CDK12: variants seen among roughly 807,000 people sequenced by gnomAD.
CDK12 encodes the protein cyclin dependent kinase 12.
Under a neutral mutation model 133.8 loss-of-function variants are expected in CDK12, and 17 were observed. That is an observed-to-expected ratio of 0.13 (90% CI 0.09 to 0.19). CDK12 has a LOEUF of 0.19. CDK12 is among the 10% of genes least tolerant of loss of function. The pLI, the probability that CDK12 is intolerant of heterozygous loss-of-function variation, is 1.00. For synonymous variants in CDK12, 694 were observed against 683.6 expected, an observed-to-expected ratio of 1.02 and a Z score of -0.24; for missense variants, 1,508 against 1,818.7, an observed-to-expected ratio of 0.83 and a Z score of 3.11.
intron 2 of CDK12, among the ~76,000 whole-genome samples, chr17:39,485,607 G>T (rs1219800254): frequency 6.6e-6 from 1 of 151,584 alleles, no homozygotes. Context: ...TAGAGACAGG[G>T]TTTCACAATG....
chr17:39,468,532 T>G (rs930583155), intron 1 of CDK12, among the ~76,000 whole-genome samples: 2 of 151,838 alleles, frequency 1.3e-5, no homozygotes, highest in African/African-American at 4.8e-5. Context: ...CTGGAGTGCA[T>G]TGGCACAATC....
rs150494253 is a variant in CDK12, at chr17:39,491,939, C to T, written c.2109-812C>T. ...GTCAAGAGATCGAGACCATCTTGAC[C>T]AACATGGTGAAACCACATCTCTACT... On this transcript the variant is annotated intron_variant, in intron 3 of 13. Coordinates refer to ENST00000447079, the MANE Select transcript of CDK12 (RefSeq NM_016507.4). 3.0e-3 allele frequency among the ~76,000 whole-genome samples: 447 copies of T among 148,074 alleles called. 2 individuals carry two copies. Among genetic ancestry groups the T allele is most frequent in the African/African-American group, 0.01 (415 of 40,314 alleles).
At chr17:39,544,746 T>C (rs1276744682), upstream of CDK12, among the ~76,000 whole-genome samples, 1 of 151,680 alleles carries the variant, frequency 6.6e-6, no homozygotes, top group African/African-American at 2.4e-5. Flanking sequence ...TTCTCCTGCC[T>C]TAGCCTCCTG....
intron 6 of CDK12, 124 bp from the exon 7 acceptor site, chr17:39,509,579 CAA>C: frequency 1.5e-6 from 1 of 671,206 alleles, no homozygotes; most frequent in South Asian, 1.8e-5. Context: ...AAGAGTAGAA[CAA>C]AGAGAGCAGA....
At chr17:39,544,340 C>G, upstream of CDK12, 1 of 489,242 alleles carries the variant, frequency 2.0e-6, no homozygotes, top group Non-Finnish European at 4.0e-6. Flanking sequence ...GTCTCTTTCA[C>G]AGAACCTAAA....
chr17:39,545,274 C>G (rs2055628340), upstream of CDK12, among the ~76,000 whole-genome samples: 1 of 152,100 alleles, frequency 6.6e-6, no homozygotes. Context: ...TATCATAGCT[C>G]ACTGCAGCCT....
chr17:39,493,035 C>T, intron 4 of CDK12, 145 bp downstream of exon 4: 1 of 700,098 alleles, frequency 1.4e-6, no homozygotes, highest in Admixed American at 3.0e-5. Flanking sequence ...TCTTGCTCCC[C>T]AGGCTGGAGT....
At chr17:39,469,636 C>CTTT (rs1232951407) in intron 1 of CDK12, among the ~76,000 whole-genome samples, 4 of 132,790 alleles carry the variant, frequency 3.0e-5, no homozygotes, top group Admixed American at 7.8e-5. Context: ...AGTATGACTT[C>CTTT]TTTTTTTTTT....
intron 2 of CDK12, among the ~76,000 whole-genome samples, chr17:39,480,036 G>T (rs1167119570): frequency 6.7e-6 from 1 of 150,078 alleles, no homozygotes; most frequent in Non-Finnish European, 1.5e-5. Context: ...CGATTTTCCT[G>T]CCTCAGCTGC....
intron 6 of CDK12, among the ~76,000 whole-genome samples, chr17:39,502,254 G>C (rs1163225991): frequency 6.6e-6 from 1 of 152,084 alleles, no homozygotes; most frequent in Non-Finnish European, 1.5e-5. Context: ...CCAGGTTCGT[G>C]CCATTCTCCT....
intron 2 of CDK12, among the ~76,000 whole-genome samples, chr17:39,489,709 G>T (rs1403302589): frequency 7.0e-6 from 1 of 142,516 alleles, no homozygotes; most frequent in Non-Finnish European, 1.5e-5. Flanking sequence ...GGCCAGGCTG[G>T]TCTCGAACTT....
chr17:39,563,459 T>G (rs184451939), intron 3 of CDK12, among the ~76,000 whole-genome samples: 1 of 21,402 alleles, frequency 4.7e-5, no homozygotes, highest in Non-Finnish European at 1.2e-4. Flanking sequence ...TTCTCTTGCT[T>G]CCCGCCCCCC....
chr17:39,518,824 G>A (rs1255138980), intron 10 of CDK12, among the ~76,000 whole-genome samples: 2 of 152,066 alleles, frequency 1.3e-5, no homozygotes, highest in East Asian at 3.9e-4. Context: ...CTCCCAAAGA[G>A]CTGGGATTAT....
chr17:39,545,333 G>A (rs370560595), upstream of CDK12, among the ~76,000 whole-genome samples: 57 of 151,938 alleles, frequency 3.8e-4, no homozygotes, highest in African/African-American at 1.3e-3. Context: ...GACTAGAGGC[G>A]TGTGCCACCA....
At chr17:39,510,610 TCTC>T (rs938176711) in intron 7 of CDK12, among the ~76,000 whole-genome samples, 1 of 149,206 alleles carries the variant, frequency 6.7e-6, no homozygotes, top group Non-Finnish European at 1.5e-5. Context: ...TCTCTTCTCT[TCTC>T]CTCCTTTTTC....
intron 3 of CDK12, among the ~76,000 whole-genome samples, chr17:39,563,466 C>CCA (rs1183451684): frequency 2.8e-5 from 2 of 71,414 alleles, no homozygotes. Flanking sequence ...GCTTCCCGCC[C>CCA]CCCCCCCGCC....
intron 2 of CDK12, among the ~76,000 whole-genome samples, chr17:39,474,781 C>CTT (rs893347738): frequency 0.01 from 945 of 94,030 alleles, 18 homozygotes; most frequent in African/African-American, 0.036. Flanking sequence ...ATGATGTTTC[C>CTT]TTTTTTTTTT....
intron 13 of CDK12, among the ~76,000 whole-genome samples, chr17:39,528,686 CTCAA>C (rs1412680993): frequency 6.6e-6 from 1 of 152,136 alleles, no homozygotes; most frequent in African/African-American, 2.4e-5. Flanking sequence ...AGAATTTGAC[CTCAA>C]GTGTTAGTTC....
Position 39,501,132 on chromosome 17 carries a change from C to G in CDK12, c.2420-118C>G, listed in dbSNP as rs2052689891. ...TTTCAGTTTCTTCATCTGTAAAATT[C>G]AAGGGTTTTTTCTAGAGAACCTGTG... On this transcript the variant is annotated intron_variant, in intron 5 of 13. Coordinates refer to ENST00000447079, the MANE Select transcript of CDK12 (RefSeq NM_016507.4). 5 of 619,910 alleles carry G rather than the reference C, an allele frequency of 8.1e-6. No individual in the cohort carries two copies. The East Asian group carries it at 1.5e-4, about 18-fold the overall frequency. The allele number at this position is 619,910 out of a possible 1,614,324, so 38.4% of individuals were successfully genotyped here.
Sources: gnomAD v4.1 joint callset for allele counts (sites outside exome capture counted in the v4.1 genomes callset) on GRCh38, gnomAD v4.1.1 for gene constraint, MANE v1.5 for transcripts, NCBI Gene and HGNC (gene_info 2026-07-23, HGNC 2026-07-21) for gene names.